Variants in SLC12A1 observed in about 807,000 individuals in gnomAD.
SLC12A1 encodes Na-K-2Cl cotransporter.
SLC12A1 carries 89 observed loss-of-function variants against 130.4 expected under a neutral mutation model. The ratio of observed to expected loss-of-function variants is 0.68; its 90% confidence interval spans 0.58 to 0.81. The LOEUF is 0.81. Among genes scored for constraint, SLC12A1 ranks in the 40% least tolerant of loss-of-function variants. The probability of loss-of-function intolerance (pLI) is 0.00; values close to 1 mark genes in which losing one functional copy is unlikely to be tolerated. For synonymous variants in SLC12A1, 499 were observed against 460.0 expected (o/e 1.08, Z -1.09); for missense variants, 1,310 against 1,336.4 (o/e 0.98, Z 0.31).
intron 2 of SLC12A1, among the ~76,000 whole-genome samples, chr15:48,213,501 A>AT (rs1242909450): frequency 0.11 from 14,795 of 131,254 alleles, 2,320 homozygotes; most frequent in East Asian, 0.33. Context: ...TTCCTCTAGA[A>AT]TTTTTTTTTT....
intron 17 of SLC12A1, among the ~76,000 whole-genome samples, chr15:48,263,960 A>G (rs1164957655): frequency 1.3e-5 from 2 of 152,052 alleles, no homozygotes; most frequent in African/African-American, 2.4e-5. Flanking sequence ...CCCAAAGTCC[A>G]TTATAGGTAT....
At position 48,230,496 on chromosome 15, in the gene SLC12A1, A is replaced by G. The variant is rs1295585592; in HGVS notation, c.968A>G (p.Glu323Gly). ...ATTTCAGTAGCTGGAATGGAATGGG[A>G]GGCAAAGGTAAATTTCTCAAAAATG... ...LGISVAGMEW[E>G]AKAQVILLVI... The change falls in exon 7 of 27, where the codon GAG (glutamate) becomes GGG (glycine). Residue 323 changes from glutamate to glycine, a missense_variant. By Grantham distance (98) the Glu-to-Gly change is moderately conservative. Coordinates refer to ENST00000380993, the MANE Select transcript of SLC12A1 (RefSeq NM_000338.3). 1 of 1,600,940 alleles carries G rather than the reference A, an allele frequency of 6.2e-7. No homozygotes were observed. The highest frequency in any genetic ancestry group is 1.7e-5 in the Admixed American group (1 of 59,560).
chr15:48,296,734 C>T (rs983290817), intron 24 of SLC12A1, among the ~76,000 whole-genome samples: 2 of 151,996 alleles, frequency 1.3e-5, no homozygotes, highest in African/African-American at 2.4e-5. Context: ...TTGGCTTATT[C>T]TATAGTCAAT....
At chr15:48,250,674 C>CCACACACACACACACACACACACACACA (rs750040638) in intron 14 of SLC12A1, among the ~76,000 whole-genome samples, 1 of 56,128 alleles carries the variant, frequency 1.8e-5, no homozygotes, top group African/African-American at 9.3e-5. Flanking sequence ...AAAATGTCTG[C>CCACACACACACACACACACACACACACA]CTCACACACA....
chr15:48,225,800 C>T, intron 4 of SLC12A1: 1 of 537,462 alleles, frequency 1.9e-6, no homozygotes, highest in Non-Finnish European at 2.4e-6. Flanking sequence ...TGTAAATGAT[C>T]CAATGAATTC....
At chr15:48,272,913 A>G (rs2041912699) in intron 19 of SLC12A1, among the ~76,000 whole-genome samples, 1 of 151,836 alleles carries the variant, frequency 6.6e-6, no homozygotes, top group African/African-American at 2.4e-5. Context: ...TTTGAGACGA[A>G]CCTGGTCAAG....
At chr15:48,281,928 G>A (rs2042012382) in intron 20 of SLC12A1, among the ~76,000 whole-genome samples, 1 of 152,130 alleles carries the variant, frequency 6.6e-6, no homozygotes, top group Non-Finnish European at 1.5e-5. Context: ...TTTAGACAAA[G>A]TCTACTCTTA....
chr15:48,221,108 C>A, intron 4 of SLC12A1, 112 bp downstream of exon 4: 2 of 1,010,856 alleles, frequency 2.0e-6, no homozygotes, highest in Non-Finnish European at 3.1e-6. Context: ...AAATAATTTA[C>A]AGTTGGGCTC....
At chr15:48,221,223 G>A (rs2041210997) in intron 4 of SLC12A1, 1 of 669,668 alleles carries the variant, frequency 1.5e-6, no homozygotes, top group East Asian at 2.7e-5. Context: ...AATGCTCAAG[G>A]AGATCTCTCT....
At chr15:48,269,582 A>T in intron 18 of SLC12A1, 76 bp from the exon 19 acceptor site, 1 of 750,992 alleles carries the variant, frequency 1.3e-6, no homozygotes, top group Non-Finnish European at 2.3e-6. Flanking sequence ...GTGCTCCTTT[A>T]GACATTATTT....
chr15:48,263,612 G>C (rs2041799074), intron 17 of SLC12A1, among the ~76,000 whole-genome samples: 1 of 151,362 alleles, frequency 6.6e-6, no homozygotes, highest in Non-Finnish European at 1.5e-5. Flanking sequence ...TTAACATTTT[G>C]GGCCAGATGC....
chr15:48,289,126 G>GT (rs2042091126), intron 23 of SLC12A1, among the ~76,000 whole-genome samples: 1 of 151,510 alleles, frequency 6.6e-6, no homozygotes, highest in Non-Finnish European at 1.5e-5. Flanking sequence ...GTGTAAGTCT[G>GT]TATCTTTCTC....
intron 24 of SLC12A1, among the ~76,000 whole-genome samples, chr15:48,295,680 G>A (rs950448566): frequency 6.6e-6 from 1 of 151,866 alleles, no homozygotes; most frequent in Non-Finnish European, 1.5e-5. Flanking sequence ...TTGTTTCAAG[G>A]TATTAAGGAA....
At chr15:48,238,036 T>G (rs1039767628) in intron 9 of SLC12A1, among the ~76,000 whole-genome samples, 1 of 152,136 alleles carries the variant, frequency 6.6e-6, no homozygotes, top group Admixed American at 6.5e-5. Flanking sequence ...AAAAAAAATG[T>G]TTTTTACTAT....
intron 13 of SLC12A1, among the ~76,000 whole-genome samples, chr15:48,248,470 C>G (rs1217716066): frequency 6.6e-6 from 1 of 152,202 alleles, no homozygotes; most frequent in African/African-American, 2.4e-5. Flanking sequence ...AGATAATATC[C>G]TTTAAAATCA....
intron 2 of SLC12A1, among the ~76,000 whole-genome samples, chr15:48,212,046 C>T (rs1460077291): frequency 6.6e-6 from 1 of 152,130 alleles, no homozygotes; most frequent in African/African-American, 2.4e-5. Context: ...TACATAACTT[C>T]TACTTATCTT....
chr15:48,235,669 T>C (rs929409340), intron 9 of SLC12A1, among the ~76,000 whole-genome samples: 12 of 152,076 alleles, frequency 7.9e-5, no homozygotes, highest in African/African-American at 2.9e-4. Context: ...ATAAAATGTA[T>C]GTATATTTCT....
rs942607677 is a variant in SLC12A1 at position 48,220,726 on chromosome 15, A to C, written c.513A>C (p.Gln171His). The C allele has an allele frequency of 5.6e-6, 9 of 1,613,830 alleles. No individual in the cohort carries two copies. The Admixed American group carries it at 1.2e-4, about 21-fold the overall frequency. ...AAGCTGAAAATAAGGAAGATGATCA[A>C]GCTGGTGTTGTGAAGTTTGGATGGG... is the stretch of plus-strand genomic sequence containing the variant. ...DEQAENKEDD[Q>H]AGVVKFGWVK... is the part of the protein sequence containing the mutation. The change falls in exon 3 of 27, where the codon CAA becomes CAC. Residue 171 changes from glutamine to histidine, a missense_variant. Coordinates refer to ENST00000380993, the MANE Select transcript of SLC12A1 (RefSeq NM_000338.3).
chr15:48,294,178 G>A (rs1398278122), intron 24 of SLC12A1, among the ~76,000 whole-genome samples: 2 of 151,620 alleles, frequency 1.3e-5, no homozygotes, highest in Non-Finnish European at 2.9e-5. Context: ...GTGAAACCCC[G>A]TCTCTACTAA....
Sources: allele counts gnomAD v4.1 joint callset (sites outside exome capture counted in the v4.1 genomes callset), GRCh38; gene constraint gnomAD v4.1.1; transcripts MANE v1.5; gene names NCBI Gene and HGNC (gene_info 2026-07-23, HGNC 2026-07-21).